The following RASSF3 variants were observed in gnomAD, a reference collection of about 807,000 sequenced individuals.
The protein encoded by RASSF3 is ras association domain-containing protein 3.
A neutral mutation model predicts 19.9 loss-of-function variants in RASSF3; 19 were observed. That is an observed-to-expected ratio of 0.96 (90% CI 0.67 to 1.40). The LOEUF (loss-of-function observed/expected upper bound fraction) is 1.40, where lower values mean the gene tolerates loss of function less well. Among genes scored for constraint, RASSF3 ranks in the 40% most tolerant of loss-of-function variants. The pLI is 0.00. For synonymous variants in RASSF3, 110 were observed against 104.2 expected (o/e 1.06, Z -0.34); for missense variants, 306 against 289.8 (o/e 1.06, Z -0.41).
chr12:64,604,467 T>C (rs1423657661), intron 2 of RASSF3, among the ~76,000 whole-genome samples: 1 of 151,734 alleles, frequency 6.6e-6, no homozygotes, highest in Non-Finnish European at 1.5e-5. Context: ...ACCAAACACA[T>C]TGCCTTTCAG....
chr12:64,647,185 T>A (rs1480556208), intron 1 of RASSF3, among the ~76,000 whole-genome samples: 2 of 152,134 alleles, frequency 1.3e-5, no homozygotes, highest in African/African-American at 2.4e-5. Flanking sequence ...GGCACCCCAG[T>A]TCTGGTAAAA....
At chr12:64,557,535 T>A (rs1461938228) in intron 2 of RASSF3, among the ~76,000 whole-genome samples, 1 of 152,138 alleles carries the variant, frequency 6.6e-6, no homozygotes, top group Non-Finnish European at 1.5e-5. Flanking sequence ...GTGTACCCCC[T>A]TTGGACCTCC....
intron 1 of RASSF3, among the ~76,000 whole-genome samples, chr12:64,653,569 CTT>C (rs553892821): frequency 6.9e-6 from 1 of 145,842 alleles, no homozygotes; most frequent in African/African-American, 2.5e-5. Flanking sequence ...TCAGCAGTAT[CTT>C]TTTTTTTTTT....
chr12:64,593,772 A>G (rs1173231295), intron 2 of RASSF3, among the ~76,000 whole-genome samples: 1 of 151,844 alleles, frequency 6.6e-6, no homozygotes, highest in African/African-American at 2.4e-5. Flanking sequence ...TTGAAGGGTC[A>G]TGGGGCAAGC....
downstream of RASSF3, among the ~76,000 whole-genome samples, chr12:64,543,247 G>A (rs1241576332): frequency 1.4e-5 from 2 of 146,652 alleles, no homozygotes; most frequent in Admixed American, 6.7e-5. Flanking sequence ...GGCGCCGCCC[G>A]CCCAGGCAGT....
chr12:64,582,711 G>A (rs1292924112), intron 2 of RASSF3, among the ~76,000 whole-genome samples: 1 of 152,146 alleles, frequency 6.6e-6, no homozygotes, highest in Non-Finnish European at 1.5e-5. Flanking sequence ...AGCTGGCTTA[G>A]GAACAAGTAC....
intron 1 of RASSF3, among the ~76,000 whole-genome samples, chr12:64,620,342 C>T (rs1020509711): frequency 1.3e-5 from 2 of 152,144 alleles, no homozygotes; most frequent in African/African-American, 2.4e-5. Flanking sequence ...TCCATTGATT[C>T]TTCCATAGAC....
At chr12:64,623,631 T>C (rs958641006) in intron 1 of RASSF3, among the ~76,000 whole-genome samples, 2 of 152,142 alleles carry the variant, frequency 1.3e-5, no homozygotes, top group African/African-American at 4.8e-5. Flanking sequence ...CTTTCAGATA[T>C]TTCAGAATTT....
chr12:64,650,793 G>A (rs1382832610), intron 1 of RASSF3, among the ~76,000 whole-genome samples: 2 of 152,164 alleles, frequency 1.3e-5, no homozygotes, highest in East Asian at 3.8e-4. Flanking sequence ...TTTCACTAAA[G>A]GGAATTGCTG....
At chr12:64,661,382 G>A (rs1180359774) in intron 1 of RASSF3, among the ~76,000 whole-genome samples, 1 of 152,144 alleles carries the variant, frequency 6.6e-6, no homozygotes, top group Non-Finnish European at 1.5e-5. Context: ...CTATTCAGGA[G>A]GCTGAGATGG....
At chr12:64,603,571 T>TAAC (rs1870133104) in intron 2 of RASSF3, among the ~76,000 whole-genome samples, 1 of 151,172 alleles carries the variant, frequency 6.6e-6, no homozygotes, top group Non-Finnish European at 1.5e-5. Context: ...GGCTCACAGG[T>TAAC]AACACATCCT....
chr12:64,694,952 T>C lies in RASSF3; in HGVS notation c.*40T>C, dbSNP rs777308843. ...CCCGTGAGGCCCGGTGCAGGACCGA[T>C]GTACAAAACAGCAGCAAGTGCCTCT... On this transcript the variant is annotated 3_prime_UTR_variant, in exon 5 of 5. Transcript: ENST00000542104. The C allele has an allele frequency of 1.3e-6, 2 of 1,599,590 alleles. No individual in the cohort carries two copies. The highest frequency in any genetic ancestry group is 8.5e-7 in the Non-Finnish European group (1 of 1,171,826).
upstream of RASSF3, among the ~76,000 whole-genome samples, chr12:64,610,278 G>C (rs569405155): frequency 4.6e-5 from 7 of 151,990 alleles, no homozygotes; most frequent in African/African-American, 1.7e-4. Context: ...GGCTTTCCGG[G>C]TTCCGCGACG....
chr12:64,679,022 T>C (rs191267530), intron 1 of RASSF3, among the ~76,000 whole-genome samples: 1 of 152,220 alleles, frequency 6.6e-6, no homozygotes, highest in East Asian at 1.9e-4. Context: ...GTAGAGGAAA[T>C]GATAGGGCCA....
At chr12:64,525,220 G>C (rs1043982943) in intron 1 of RASSF3, among the ~76,000 whole-genome samples, 1 of 152,210 alleles carries the variant, frequency 6.6e-6, no homozygotes, top group African/African-American at 2.4e-5. Flanking sequence ...CGGTTGCAGT[G>C]AGCCAAGATT....
chr12:64,688,744 T>G (rs1176927467), intron 3 of RASSF3, among the ~76,000 whole-genome samples: 2 of 152,116 alleles, frequency 1.3e-5, no homozygotes, highest in African/African-American at 4.8e-5. Context: ...TTTTGGTGGT[T>G]GTTAGGAGTG....
Position 64,548,362 on chromosome 12 carries a change from A to T in RASSF3, c.294+6657A>T, listed in dbSNP as rs555329546. Among the ~76,000 whole-genome samples the T allele has an allele frequency of 6.2e-4, 94 of 150,930 alleles. No homozygotes were observed. The Middle Eastern group carries it at 0.014, about 22-fold the overall frequency. On this transcript the variant is annotated intron_variant, in intron 2 of 5. Coordinates refer to the RASSF3 transcript ENST00000637125. ...TAGTTTTTTTTATTTTTATTTATTT[A>T]TTTTTTTTGTAGAGAAGAGGTCTCA...
Position 64,631,852 on chromosome 12 carries a change from G to A in RASSF3, c.111+21109G>A, listed in dbSNP as rs555105241. On this transcript the variant is annotated intron_variant, in intron 1 of 4. Coordinates refer to ENST00000542104, the MANE Select transcript of RASSF3 (RefSeq NM_178169.4). Reference sequence around the variant, plus strand: ...GGCCTCCCAAAGTGCTGGGATTACAGGGGAGAGCCACCATACCCGGCCTGT... The same window carrying A: ...GGCCTCCCAAAGTGCTGGGATTACAAGGGAGAGCCACCATACCCGGCCTGT... Among the ~76,000 whole-genome samples the A allele has an allele frequency of 2.6e-5, 4 of 152,274 alleles. No individual in the cohort carries two copies. The South Asian group carries it at 8.3e-4, about 32-fold the overall frequency.
intron 1 of RASSF3, among the ~76,000 whole-genome samples, chr12:64,622,029 C>A (rs1346052695): frequency 6.6e-6 from 1 of 152,026 alleles, no homozygotes; most frequent in South Asian, 2.1e-4. Flanking sequence ...TCCAACCACT[C>A]TGGTAGAATT....
Sources: gnomAD v4.1 joint callset for allele counts (sites outside exome capture counted in the v4.1 genomes callset) on GRCh38, gnomAD v4.1.1 for gene constraint, MANE v1.5 for transcripts, NCBI Gene and HGNC (gene_info 2026-07-23, HGNC 2026-07-21) for gene names.